The following USP43 variants were observed in gnomAD, a reference collection of about 807,000 sequenced individuals.
The protein encoded by USP43 is ubiquitin specific peptidase 43, also known as ubiquitin carboxyl-terminal hydrolase 43.
Under a neutral mutation model 90.7 loss-of-function variants are expected in USP43, and 33 were observed. The observed-to-expected ratio is 0.36, with a 90% CI of 0.28 to 0.49. The LOEUF is 0.49. Among genes scored for constraint, USP43 ranks in the 20% least tolerant of loss-of-function variants. USP43 has a pLI of 0.98. For missense variants in USP43, 1,274 were observed against 1,476.4 expected, an observed-to-expected ratio of 0.86 and a Z score of 2.25; for synonymous variants, 598 against 615.8, an observed-to-expected ratio of 0.97 and a Z score of 0.43.
intron 12 of USP43, among the ~76,000 whole-genome samples, chr17:9,707,797 T>C (rs987703506): frequency 2.0e-5 from 3 of 152,200 alleles, no homozygotes; most frequent in Non-Finnish European, 4.4e-5. Flanking sequence ...TGCTCATTAA[T>C]TCATTGCACA....
At position 9,645,934 on chromosome 17, in the gene USP43, A is replaced by G; in HGVS notation, c.302A>G (p.Gln101Arg). Reference protein sequence around the residue: ...AGDGARPPGAQGLKNHGNTCF... With the variant: ...AGDGARPPGARGLKNHGNTCF... ...GATGGGGCGCGGCCGCCGGGCGCTCAGGGCTTGAAGAACCACGGCAACACC... is the reference window on the plus strand; with the variant it reads ...GATGGGGCGCGGCCGCCGGGCGCTCGGGGCTTGAAGAACCACGGCAACACC... The change falls in exon 1 of 15, where the codon CAG (glutamine) becomes CGG (arginine). Residue 101 changes from glutamine (Q) to arginine (R), a missense_variant. This residue lies in a region of USP43 where 259 missense variants were observed against 373.7 expected (regional missense o/e 0.69). Coordinates refer to ENST00000285199, the MANE Select transcript of USP43 (RefSeq NM_153210.5). This position sits in a 1 kb window ranked among gnomAD's most constrained non-coding sequence, Gnocchi z 6.8. 3 of 1,477,358 alleles carry G rather than the reference A, an allele frequency of 2.0e-6. No individual in the cohort carries two copies. The highest frequency in any genetic ancestry group is 9.0e-7 in the Non-Finnish European group (1 of 1,117,090). The allele number at this position is 1,477,358 out of a possible 1,614,324, so 91.5% of individuals were successfully genotyped here. A position where few individuals can be genotyped will look rare whatever the true frequency, so the allele number is the denominator to read the frequency against.
chr17:9,656,671 G>C (rs1228663668), intron 2 of USP43, 137 bp downstream of exon 2: 2 of 1,132,416 alleles, frequency 1.8e-6, no homozygotes, highest in East Asian at 5.6e-5. Context: ...TCCACAGTCT[G>C]TTCCCTGCTT....
At chr17:9,668,155 T>C (rs759445054) in intron 3 of USP43, among the ~76,000 whole-genome samples, 1 of 152,228 alleles carries the variant, frequency 6.6e-6, no homozygotes, top group Non-Finnish European at 1.5e-5. Flanking sequence ...TTGCACTAAA[T>C]CATTTCGAAG....
At position 9,710,047 on chromosome 17, in the gene USP43, G is replaced by T; in HGVS notation, c.2103G>T (p.Gly701=). The T allele has an allele frequency of 6.4e-7, 1 of 1,573,740 alleles. No homozygotes were observed. The highest frequency in any genetic ancestry group is 1.2e-5 in the South Asian group (1 of 84,946). The change falls in exon 13 of 15, where the codon GGG becomes GGT. Residue 701 remains glycine (G), a synonymous_variant. Transcript: ENST00000285199. ...PLREDEVNTR[G]AYILFYQKRN... ...GAGAAGATGAGGTCAACACCAGAGG[G>T]GCTTATATCCTGTTCTATCAGAAGC...
intron 1 of USP43, among the ~76,000 whole-genome samples, chr17:9,654,887 ACCACCACGC>A (rs1337831101): frequency 6.6e-6 from 1 of 151,406 alleles, no homozygotes; most frequent in Non-Finnish European, 1.5e-5. Flanking sequence ...TCAGATGTGC[ACCACCACGC>A]CCAGCTAATT....
At chr17:9,681,932 G>C (rs953620556) in intron 6 of USP43, among the ~76,000 whole-genome samples, 3 of 152,186 alleles carry the variant, frequency 2.0e-5, no homozygotes, top group Non-Finnish European at 4.4e-5. Context: ...AGTTGACAGG[G>C]AGATGCTGGG....
chr17:9,710,216 G>C, intron 13 of USP43, 102 bp downstream of exon 13: 8 of 1,274,452 alleles, frequency 6.3e-6, no homozygotes, highest in Non-Finnish European at 8.0e-6. Flanking sequence ...GGTTGGCAAG[G>C]ATCTGAAAGA....
intron 6 of USP43, among the ~76,000 whole-genome samples, chr17:9,681,203 A>G (rs1914192568): frequency 9.9e-6 from 1 of 100,826 alleles, no homozygotes. Flanking sequence ...TATATACTAT[A>G]TAATATATAC....
At chr17:9,711,086 G>T (rs530832821) in intron 13 of USP43, among the ~76,000 whole-genome samples, 2 of 152,118 alleles carry the variant, frequency 1.3e-5, no homozygotes, top group Non-Finnish European at 2.9e-5. Flanking sequence ...TCCTATTAGA[G>T]AAAAGAAGTT....
intron 1 of USP43, among the ~76,000 whole-genome samples, chr17:9,651,007 A>G (rs1597809567): frequency 6.6e-6 from 1 of 152,168 alleles, no homozygotes; most frequent in East Asian, 1.9e-4. Flanking sequence ...CGAGTCACCA[A>G]AGTTCATTAT....
At chr17:9,652,099 C>A (rs1259028688) in intron 1 of USP43, among the ~76,000 whole-genome samples, 8 of 151,330 alleles carry the variant, frequency 5.3e-5, no homozygotes, top group Non-Finnish European at 1.0e-4. Flanking sequence ...ATAACCAAAT[C>A]TAGGGCTGAG....
chr17:9,675,429 G>GA (rs57340599), intron 4 of USP43, among the ~76,000 whole-genome samples: 37 of 151,062 alleles, frequency 2.4e-4, no homozygotes, highest in African/African-American at 8.0e-4. Context: ...GGGAAGATGA[G>GA]AAAAAAAAAG....
At chr17:9,646,465 C>G (rs1389464653) in intron 1 of USP43, among the ~76,000 whole-genome samples, 1 of 152,100 alleles carries the variant, frequency 6.6e-6, no homozygotes, top group Non-Finnish European at 1.5e-5. Context: ...TCTAGAGCTT[C>G]CAGTCTGGAA....
chr17:9,647,087 AAAAG>A (rs1911477631), intron 1 of USP43: 1 of 150,694 alleles, frequency 6.6e-6, no homozygotes, highest in East Asian at 1.9e-4. Context: ...AAAAAGAAAA[AAAAG>A]AAAAAAAAAG....
chr17:9,713,397 C>T (rs768333836), intron 14 of USP43, among the ~76,000 whole-genome samples: 5 of 152,020 alleles, frequency 3.3e-5, no homozygotes, highest in Non-Finnish European at 7.4e-5. Context: ...CCTATTTGTA[C>T]CTATCAACCC....
intron 1 of USP43, among the ~76,000 whole-genome samples, chr17:9,648,884 CCT>C (rs1314284348): frequency 1.3e-5 from 2 of 149,926 alleles, no homozygotes; most frequent in African/African-American, 4.9e-5. Flanking sequence ...TTCCTTCCTT[CCT>C]CTTTCTTTCT....
At position 9,701,581 on chromosome 17, in the gene USP43, GC is replaced by G; in HGVS notation, c.1896del (p.Trp633GlyfsTer90). The G allele has an allele frequency of 1.3e-6, 2 of 1,572,380 alleles. No individual in the cohort carries two copies. Among genetic ancestry groups the G allele is most frequent in the South Asian group, 1.2e-5 (1 of 85,374 alleles). On this transcript the variant is annotated frameshift_variant, in exon 12 of 15. Transcript: ENST00000285199. LOFTEE classifies it high-confidence loss of function. This position sits in a 1 kb window ranked among gnomAD's most constrained non-coding sequence, Gnocchi z 7.2. The stretch of plus-strand genomic sequence containing the variant: ...AGCACCAGCCCTGAGGCAGGACTGG[GC>G]CCCTGGCCTTCCTGGAAGCAGCCGG... ...QRSTSPEAGL[G>X]PWPSWKQPDC...
intron 8 of USP43, among the ~76,000 whole-genome samples, chr17:9,687,111 C>T (rs76933835): frequency 0.02 from 3,033 of 152,274 alleles, 94 homozygotes; most frequent in African/African-American, 0.068. Context: ...TAGTGTTTTA[C>T]TTTTGTGCCA....
At position 9,710,602 on chromosome 17, in the gene USP43, T is replaced by G. The variant is rs1459174618; in HGVS notation, c.2170+488T>G. Among the ~76,000 whole-genome samples the G allele has an allele frequency of 2.0e-5, 3 of 146,384 alleles. No homozygotes were observed. In the East Asian group the frequency reaches 6.3e-4, roughly 30 times the overall value. ...TCACTGCAACCTCTGCCTCTTGGGTTCAAGCGATTCTCCTGCCTCAGCCTC... is the reference window on the plus strand; with the variant it reads ...TCACTGCAACCTCTGCCTCTTGGGTGCAAGCGATTCTCCTGCCTCAGCCTC... On this transcript the variant is annotated intron_variant, in intron 13 of 14. Coordinates refer to ENST00000285199, the MANE Select transcript of USP43 (RefSeq NM_153210.5).
Sources: allele counts gnomAD v4.1 joint callset (sites outside exome capture counted in the v4.1 genomes callset), GRCh38; gene constraint gnomAD v4.1.1; regional missense constraint gnomAD v4.1.1; non-coding constraint Gnocchi (gnomAD v3.1); transcripts MANE v1.5; gene names NCBI Gene and HGNC (gene_info 2026-07-23, HGNC 2026-07-21).